RIMBP2: variants seen among roughly 807,000 people sequenced by gnomAD.
RIMBP2 encodes RIMS-binding protein 2.
Under a neutral mutation model 118.6 loss-of-function variants are expected in RIMBP2, and 48 were observed. The observed-to-expected ratio is 0.40, with a 90% CI of 0.32 to 0.51. The LOEUF is 0.51. Among genes scored for constraint, RIMBP2 ranks in the 20% least tolerant of loss-of-function variants. The probability of loss-of-function intolerance (pLI) is 0.41; values close to 1 mark genes in which losing one functional copy is unlikely to be tolerated. For missense variants in RIMBP2, 1,551 were observed against 1,768.3 expected (o/e 0.88, Z 2.20); for synonymous variants, 762 against 742.9 (o/e 1.03, Z -0.42).
intron 4 of RIMBP2, among the ~76,000 whole-genome samples, chr12:130,504,457 C>T (rs1252916736): frequency 6.6e-6 from 1 of 152,086 alleles, no homozygotes; most frequent in African/African-American, 2.4e-5. Context: ...GAAAAAATGC[C>T]ACCAACTCAA....
chr12:130,441,217 A>G (rs2137147713), intron 11 of RIMBP2, among the ~76,000 whole-genome samples: 1 of 152,100 alleles, frequency 6.6e-6, no homozygotes, highest in African/African-American at 2.4e-5. Context: ...CCTGACCAAC[A>G]TGGTGAAACC....
intron 4 of RIMBP2, among the ~76,000 whole-genome samples, chr12:130,495,693 G>A (rs550728823): frequency 6.6e-6 from 1 of 152,280 alleles, no homozygotes; most frequent in East Asian, 1.9e-4. Context: ...ATTCCTTTGA[G>A]GGTGTATATC....
chr12:130,403,333 A>G (rs375864486), intron 21 of RIMBP2, among the ~76,000 whole-genome samples: 3 of 152,324 alleles, frequency 2.0e-5, no homozygotes, highest in East Asian at 3.9e-4. Context: ...GTTTCATATT[A>G]ATTTAGATCT....
chr12:130,645,245 C>T (rs2062808711), intron 1 of RIMBP2, among the ~76,000 whole-genome samples: 2 of 152,288 alleles, frequency 1.3e-5, no homozygotes, highest in Middle Eastern at 6.8e-3. Context: ...GGTGTGTCCA[C>T]CACGCCTGGC....
chr12:130,574,680 C>G (rs1257469119), intron 2 of RIMBP2, among the ~76,000 whole-genome samples: 2 of 152,088 alleles, frequency 1.3e-5, no homozygotes, highest in African/African-American at 4.8e-5. Flanking sequence ...GAACAGTGGT[C>G]CCTGGCTTTT....
At chr12:130,407,568 T>C (rs1055778111) in intron 20 of RIMBP2, among the ~76,000 whole-genome samples, 158 bp downstream of exon 20, 1 of 152,188 alleles carries the variant, frequency 6.6e-6, no homozygotes. Context: ...TGCGTGGCCA[T>C]GTCTGTATCA....
chr12:130,536,453 A>T (rs1428192542), intron 2 of RIMBP2, among the ~76,000 whole-genome samples: 1 of 152,164 alleles, frequency 6.6e-6, no homozygotes, highest in Non-Finnish European at 1.5e-5. Flanking sequence ...GGTTTCCAAA[A>T]GGTCTTTAGA....
rs189891640 is a variant in RIMBP2 at position 130,620,117 on chromosome 12, G to A, written c.-217+8205C>T. Among the ~76,000 whole-genome samples, 1 of 152,226 alleles carries A rather than the reference G, an allele frequency of 6.6e-6. No homozygotes were observed. ...GCAGTGGCTCACTCTTCTGGCCAGA[G>A]CTTCCAGACTCTGCTTTGGAAGTGG... On this transcript the variant is annotated intron_variant, in intron 2 of 22. Transcript: ENST00000690449. This position sits in a 1 kb window ranked among gnomAD's most constrained non-coding sequence, Gnocchi z 5.3.
intron 5 of RIMBP2, chr12:130,471,843 T>C (rs1418616333): frequency 1.3e-5 from 2 of 152,648 alleles, no homozygotes; most frequent in African/African-American, 2.4e-5. Flanking sequence ...ACCTCTGGAC[T>C]GGCTGGGGTC....
intron 1 of RIMBP2, among the ~76,000 whole-genome samples, chr12:130,644,476 G>A (rs1367611025): frequency 6.6e-6 from 1 of 152,234 alleles, no homozygotes; most frequent in Non-Finnish European, 1.5e-5. Context: ...AGTCTGGGAA[G>A]ATTAACCATC....
Position 130,456,485 on chromosome 12 carries a change from C to A in RIMBP2, c.358+11G>T, listed in dbSNP as rs2079451704. The A allele has an allele frequency of 6.4e-7, 1 of 1,568,436 alleles. No individual in the cohort carries two copies. The highest frequency in any genetic ancestry group is 1.8e-5 in the Admixed American group (1 of 56,980). On this transcript the variant is annotated intron_variant, in intron 7 of 22. Transcript: ENST00000690449. Reference sequence around the variant, plus strand: ...CCCACCACAGCCAAGGCGGAAGGTCCAGGCGCTTACCTTTGCCGAGGGAGG... The same window carrying A: ...CCCACCACAGCCAAGGCGGAAGGTCAAGGCGCTTACCTTTGCCGAGGGAGG...
At chr12:130,570,012 C>T (rs887363761) in intron 2 of RIMBP2, among the ~76,000 whole-genome samples, 2 of 152,178 alleles carry the variant, frequency 1.3e-5, no homozygotes, top group Non-Finnish European at 2.9e-5. Context: ...GGAAGGAATG[C>T]CATCATGTTT....
intron 3 of RIMBP2, among the ~76,000 whole-genome samples, chr12:130,508,472 G>T (rs1171704356): frequency 6.6e-6 from 1 of 152,074 alleles, no homozygotes; most frequent in Non-Finnish European, 1.5e-5. Context: ...CCCTGCACCT[G>T]CTGATTCCAT....
At chr12:130,536,136 C>T (rs1195018414) in intron 2 of RIMBP2, among the ~76,000 whole-genome samples, 2 of 151,876 alleles carry the variant, frequency 1.3e-5, no homozygotes, top group Non-Finnish European at 2.9e-5. Context: ...AAAAAGGAGA[C>T]AAAAGGCATT....
chr12:130,522,902 C>T (rs1230096117), intron 2 of RIMBP2, among the ~76,000 whole-genome samples: 1 of 152,184 alleles, frequency 6.6e-6, no homozygotes, highest in Admixed American at 6.5e-5. Context: ...CCTAATCCAA[C>T]AGGGACCGGG....
intron 2 of RIMBP2, among the ~76,000 whole-genome samples, chr12:130,554,333 C>T (rs1021416120): frequency 6.6e-6 from 1 of 152,188 alleles, no homozygotes; most frequent in African/African-American, 2.4e-5. Flanking sequence ...ACCTAGCACA[C>T]AGGAAGTGCC....
chr12:130,484,690 G>A (rs1412838485), intron 4 of RIMBP2, among the ~76,000 whole-genome samples: 1 of 152,186 alleles, frequency 6.6e-6, no homozygotes, highest in African/African-American at 2.4e-5. Flanking sequence ...CCAGCCACAT[G>A]GGCCTCCTCC....
chr12:130,558,211 T>G (rs989791251), intron 2 of RIMBP2, among the ~76,000 whole-genome samples: 8 of 152,304 alleles, frequency 5.3e-5, no homozygotes, highest in Non-Finnish European at 8.8e-5. Context: ...TTTTTTTAGC[T>G]GACAGCATCC....
chr12:130,503,205 C>T (rs983584413), intron 4 of RIMBP2, among the ~76,000 whole-genome samples: 4 of 150,656 alleles, frequency 2.7e-5, no homozygotes, highest in Non-Finnish European at 4.4e-5. Context: ...CAGCCAACAT[C>T]GCAAAACCCT....
Sources: gnomAD v4.1 joint callset for allele counts (sites outside exome capture counted in the v4.1 genomes callset) on GRCh38, gnomAD v4.1.1 for gene constraint, Gnocchi (gnomAD v3.1) non-coding constraint, MANE v1.5 for transcripts, NCBI Gene and HGNC (gene_info 2026-07-23, HGNC 2026-07-21) for gene names.